Variants in PDZD8 observed in about 807,000 individuals in gnomAD.
The protein encoded by PDZD8 is PDZ domain containing 8.
A neutral mutation model predicts 85.8 loss-of-function variants in PDZD8; 14 were observed. That is an observed-to-expected ratio of 0.16 (90% CI 0.11 to 0.26). PDZD8 has a LOEUF of 0.26. PDZD8 is among the 10% of genes least tolerant of loss of function. PDZD8 has a pLI of 1.00. For missense variants in PDZD8, 1,197 were observed against 1,424.3 expected, an observed-to-expected ratio of 0.84 and a Z score of 2.57; for synonymous variants, 592 against 568.6, an observed-to-expected ratio of 1.04 and a Z score of -0.59.
At chr10:117,361,010 T>C (rs1306273717) in intron 1 of PDZD8, among the ~76,000 whole-genome samples, 1 of 152,186 alleles carries the variant, frequency 6.6e-6, no homozygotes, top group African/African-American at 2.4e-5. Flanking sequence ...AACATAAGAA[T>C]ATATAAAGCT....
intron 1 of PDZD8, among the ~76,000 whole-genome samples, chr10:117,357,094 GCT>G (rs1256689796): frequency 6.6e-6 from 1 of 152,158 alleles, no homozygotes; most frequent in Admixed American, 6.5e-5. Flanking sequence ...ATGTTAAACT[GCT>G]ATTTAGAAAA....
At chr10:117,361,412 T>C (rs1435995520) in intron 1 of PDZD8, among the ~76,000 whole-genome samples, 1 of 152,204 alleles carries the variant, frequency 6.6e-6, no homozygotes, top group Non-Finnish European at 1.5e-5. Context: ...GTGTTAAACA[T>C]TTACTGAATA....
chr10:117,318,718 C>T (rs1228422594), intron 3 of PDZD8, among the ~76,000 whole-genome samples, 154 bp downstream of exon 3: 1 of 152,158 alleles, frequency 6.6e-6, no homozygotes, highest in African/African-American at 2.4e-5. Context: ...TACTTTATCA[C>T]TGTAGTTGTA....
chr10:117,353,317 G>A (rs1457471675), intron 1 of PDZD8, among the ~76,000 whole-genome samples: 1 of 152,092 alleles, frequency 6.6e-6, no homozygotes, highest in South Asian at 2.1e-4. Flanking sequence ...CAATAATAAT[G>A]GTAATGACCT....
intron 4 of PDZD8, among the ~76,000 whole-genome samples, chr10:117,287,053 T>C (rs1257387597): frequency 6.6e-6 from 1 of 152,222 alleles, no homozygotes; most frequent in Non-Finnish European, 1.5e-5. Flanking sequence ...AAAAGATCAA[T>C]ATGAAGCTAC....
intron 1 of PDZD8, among the ~76,000 whole-genome samples, chr10:117,343,116 T>C (rs1042747337): frequency 3.3e-5 from 5 of 152,196 alleles, no homozygotes; most frequent in Non-Finnish European, 5.9e-5. Flanking sequence ...AGGATTTGAG[T>C]ATGTGTTGCG....
intron 3 of PDZD8, among the ~76,000 whole-genome samples, chr10:117,316,988 A>G (rs1292832118): frequency 1.3e-5 from 2 of 152,136 alleles, no homozygotes; most frequent in Non-Finnish European, 2.9e-5. Flanking sequence ...GAAAGGTAAA[A>G]TCCTAAGGAT....
At chr10:117,321,866 C>T (rs1446525250) in intron 2 of PDZD8, among the ~76,000 whole-genome samples, 5 of 151,860 alleles carry the variant, frequency 3.3e-5, no homozygotes, top group Non-Finnish European at 7.4e-5. Context: ...TATTTGATAA[C>T]AGAAAACATT....
At chr10:117,295,982 T>C (rs775746857) in intron 3 of PDZD8, among the ~76,000 whole-genome samples, 1 of 150,950 alleles carries the variant, frequency 6.6e-6, no homozygotes, top group African/African-American at 2.4e-5. Flanking sequence ...TTAATGTCAG[T>C]GTAATGAAAA....
rs745782626 is a variant in PDZD8, at chr10:117,290,203, C to T, written c.1244G>A (p.Arg415Gln). The change falls in exon 4 of 5, where the codon CGA (arginine) becomes CAA (glutamine). Residue 415 changes from arginine (R) to glutamine (Q), a missense_variant. Around this residue, in one of 4 missense-constraint regions of PDZD8, gnomAD observed 344 missense variants for 453.6 expected, o/e 0.76. Transcript: ENST00000334464. The part of the protein sequence containing the change: ...AAIADLQRGD[R>Q]LIAIGGVKIT... ...ATAATTACCTCCAATGGCGATAAGT[C>T]GATCTCCCCGCTGAAGATCTGCAAT... The T allele has an allele frequency of 4.3e-6, 7 of 1,613,364 alleles. No individual in the cohort carries two copies. The highest frequency in any genetic ancestry group is 1.6e-4 in the Middle Eastern group (1 of 6,080).
At chr10:117,323,156 A>G (rs970354156) in intron 2 of PDZD8, among the ~76,000 whole-genome samples, 2 of 152,204 alleles carry the variant, frequency 1.3e-5, no homozygotes, top group Admixed American at 6.5e-5. Flanking sequence ...TCGTTCATCT[A>G]AGAAATGTAC....
intron 1 of PDZD8, among the ~76,000 whole-genome samples, chr10:117,342,045 T>C (rs1186623310): frequency 2.6e-5 from 4 of 152,214 alleles, no homozygotes; most frequent in Admixed American, 2.6e-4. Context: ...AACAAGTTTG[T>C]TCAATTTTAC....
chr10:117,352,743 A>C (rs1844826182), intron 1 of PDZD8, among the ~76,000 whole-genome samples: 1 of 152,222 alleles, frequency 6.6e-6, no homozygotes, highest in South Asian at 2.1e-4. Flanking sequence ...CCACAGCATA[A>C]AGACAGACCA....
chr10:117,326,740 T>G (rs1813071825), intron 2 of PDZD8, among the ~76,000 whole-genome samples: 1 of 152,218 alleles, frequency 6.6e-6, no homozygotes, highest in African/African-American at 2.4e-5. Context: ...CTCTCCTTGT[T>G]TTAAATTAGC....
Position 117,318,586 on chromosome 10 carries a change from T to C in PDZD8, c.1098+286A>G, listed in dbSNP as rs561615026. Among the ~76,000 whole-genome samples, 15 of 152,310 alleles carry C rather than the reference T, an allele frequency of 9.8e-5. No homozygotes were observed. In the East Asian group the frequency reaches 2.9e-3, roughly 29 times the overall value. On this transcript the variant is annotated intron_variant, in intron 3 of 4. Transcript: ENST00000334464. ...GAATTCACATGTATTTGAAGGTGTT[T>C]AGTTAAAATTAGTTCCTTCTAATTT...
At chr10:117,310,659 G>A (rs1002603389) in intron 3 of PDZD8, among the ~76,000 whole-genome samples, 4 of 152,060 alleles carry the variant, frequency 2.6e-5, no homozygotes, top group African/African-American at 7.2e-5. Flanking sequence ...TGTTATATAT[G>A]GTTAAAATTT....
chr10:117,330,496 A>G (rs1757996813), intron 2 of PDZD8, among the ~76,000 whole-genome samples: 1 of 152,206 alleles, frequency 6.6e-6, no homozygotes, highest in Non-Finnish European at 1.5e-5. Context: ...TGAGCAGATC[A>G]ACGTCAATGG....
intron 1 of PDZD8, among the ~76,000 whole-genome samples, chr10:117,362,021 C>T (rs1181911425): frequency 2.0e-5 from 3 of 152,130 alleles, no homozygotes; most frequent in Admixed American, 2.0e-4. Context: ...GGACCAATCC[C>T]CCTTGGATAC....
chr10:117,277,384 A>G lies in PDZD8; in HGVS notation c.*5884T>C, dbSNP rs1462612930. 1 of 554,842 alleles carries G rather than the reference A, an allele frequency of 1.8e-6. No homozygotes were observed. Among genetic ancestry groups the G allele is most frequent in the Non-Finnish European group, 3.1e-6 (1 of 326,872 alleles). 34.4% of individuals were successfully genotyped at this position (554,842 alleles called of 1,614,324 possible). On this transcript the variant is annotated 3_prime_UTR_variant, in exon 5 of 5. Coordinates refer to ENST00000334464, the MANE Select transcript of PDZD8 (RefSeq NM_173791.5). ...CCATCCCTGGTGAAAGAGTAAAACC[A>G]AAGGTTATTATTTCCTTTCCATGGT...
Sources: allele counts gnomAD v4.1 joint callset (sites outside exome capture counted in the v4.1 genomes callset), GRCh38; gene constraint gnomAD v4.1.1; regional missense constraint gnomAD v4.1.1; transcripts MANE v1.5; gene names NCBI Gene and HGNC (gene_info 2026-07-23, HGNC 2026-07-21).